ZBTB7C: variants seen among roughly 807,000 people sequenced by gnomAD.
ZBTB7C encodes zinc finger and BTB domain-containing protein 7C.
Under a neutral mutation model 25.7 loss-of-function variants are expected in ZBTB7C, and 8 were observed. The ratio of observed to expected loss-of-function variants is 0.31; its 90% CI spans 0.18 to 0.56. The LOEUF (loss-of-function observed/expected upper bound fraction) is 0.56. Among genes scored for constraint, ZBTB7C ranks in the 20% least tolerant of loss-of-function variants. The pLI, the probability that ZBTB7C is intolerant of heterozygous loss-of-function variation, is 0.91. For missense variants in ZBTB7C, 824 were observed against 855.2 expected (o/e 0.96, Z 0.46); for synonymous variants, 394 against 369.0 (o/e 1.07, Z -0.78).
At chr18:48,395,267 G>GTA (rs1439845837) in intron 1 of ZBTB7C, among the ~76,000 whole-genome samples, 5 of 3,664 alleles carry the variant, frequency 1.4e-3, no homozygotes, top group African/African-American at 5.9e-3. Context: ...GAGAGAGAAT[G>GTA]TGTGTGTGTG....
chr18:48,088,993 A>G (rs1275294849), intron 3 of ZBTB7C, among the ~76,000 whole-genome samples: 1 of 152,176 alleles, frequency 6.6e-6, no homozygotes, highest in Non-Finnish European at 1.5e-5. Flanking sequence ...AGAGTGCTGA[A>G]TTGAAACCAC....
chr18:48,280,071 G>A (rs1005744347), intron 2 of ZBTB7C, among the ~76,000 whole-genome samples: 3 of 152,172 alleles, frequency 2.0e-5, no homozygotes, highest in African/African-American at 7.2e-5. Context: ...GACACATTTG[G>A]TTCTTGCCCC....
intron 2 of ZBTB7C, among the ~76,000 whole-genome samples, chr18:48,225,556 T>C (rs1233274552): frequency 6.6e-6 from 1 of 152,156 alleles, no homozygotes; most frequent in East Asian, 1.9e-4. Context: ...TTTAATGTGA[T>C]TTTGCTGTAT....
At chr18:48,176,285 T>C (rs574016764) in intron 3 of ZBTB7C, among the ~76,000 whole-genome samples, 22 of 152,206 alleles carry the variant, frequency 1.4e-4, no homozygotes, top group African/African-American at 4.3e-4. Context: ...TACAAATAAG[T>C]GGGGGCATTG....
At chr18:48,190,433 C>T (rs940053450) in intron 2 of ZBTB7C, among the ~76,000 whole-genome samples, 2 of 152,094 alleles carry the variant, frequency 1.3e-5, no homozygotes, top group African/African-American at 4.8e-5. Context: ...CTGCCAACTC[C>T]GTGCAGGAGG....
intron 3 of ZBTB7C, among the ~76,000 whole-genome samples, chr18:48,103,664 C>A (rs2038929036): frequency 6.6e-6 from 1 of 152,130 alleles, no homozygotes; most frequent in African/African-American, 2.4e-5. Flanking sequence ...TTTGTGAGAG[C>A]CCCAAAGTAG....
intron 3 of ZBTB7C, among the ~76,000 whole-genome samples, chr18:48,073,964 C>T (rs986148562): frequency 4.3e-4 from 65 of 152,320 alleles, no homozygotes; most frequent in Admixed American, 1.7e-3. Flanking sequence ...CCAGCCAGGC[C>T]TGCAGTGGGT....
At chr18:48,227,876 G>A (rs2043145719) in intron 2 of ZBTB7C, among the ~76,000 whole-genome samples, 1 of 152,152 alleles carries the variant, frequency 6.6e-6, no homozygotes, top group Non-Finnish European at 1.5e-5. Flanking sequence ...AGAGTGAGAG[G>A]GCAGGAGTTT....
At chr18:48,392,151 G>A (rs1418748472) in intron 1 of ZBTB7C, among the ~76,000 whole-genome samples, 1 of 152,316 alleles carries the variant, frequency 6.6e-6, no homozygotes, top group East Asian at 1.9e-4. Flanking sequence ...TGAATTCTCT[G>A]TGCTGGTCCC....
At chr18:48,177,225 C>A (rs567754368) in intron 3 of ZBTB7C, among the ~76,000 whole-genome samples, 1 of 152,190 alleles carries the variant, frequency 6.6e-6, no homozygotes, top group Non-Finnish European at 1.5e-5. Flanking sequence ...AAAGTGGTCC[C>A]CTCGCCCTCC....
At chr18:48,309,574 C>T (rs963285947) in intron 2 of ZBTB7C, among the ~76,000 whole-genome samples, 2 of 152,062 alleles carry the variant, frequency 1.3e-5, no homozygotes, top group African/African-American at 2.4e-5. Flanking sequence ...CAGACCTATA[C>T]GATATGTTTT....
At chr18:48,120,000 T>C (rs1003373866) in intron 3 of ZBTB7C, among the ~76,000 whole-genome samples, 3 of 152,158 alleles carry the variant, frequency 2.0e-5, no homozygotes, top group Non-Finnish European at 4.4e-5. Flanking sequence ...AACCGTCATG[T>C]GCACACAACC....
In ZBTB7C at chr18:48,028,923, C is replaced by G. The variant is rs1179105702; in HGVS notation, c.*337G>C. On this transcript the variant is annotated 3_prime_UTR_variant, in exon 5 of 5. Transcript: ENST00000590800. ...GCTGGCTGGGCACCAGGCCAACCAC[C>G]CCCTGACCCCTCATGACTCACCCAG... The G allele has an allele frequency of 1.6e-5, 5 of 304,228 alleles. No homozygotes were observed. The allele number at this position is 304,228 out of a possible 1,614,324, so 18.8% of individuals were successfully genotyped here. A position where few individuals can be genotyped will look rare whatever the true frequency, so the allele number is the denominator to read the frequency against.
intron 2 of ZBTB7C, among the ~76,000 whole-genome samples, chr18:48,291,564 C>T: frequency 6.6e-6 from 1 of 152,118 alleles, no homozygotes; most frequent in East Asian, 1.9e-4. Context: ...GACAGGCAGC[C>T]CAGGACTCGG....
At chr18:48,349,262 G>A (rs761333496) in intron 1 of ZBTB7C, among the ~76,000 whole-genome samples, 1 of 152,168 alleles carries the variant, frequency 6.6e-6, no homozygotes, top group Non-Finnish European at 1.5e-5. Context: ...ATATGAAATG[G>A]GCATGGATGA....
chr18:48,328,947 C>A (rs1474640304), intron 2 of ZBTB7C, among the ~76,000 whole-genome samples: 1 of 152,168 alleles, frequency 6.6e-6, no homozygotes, highest in Non-Finnish European at 1.5e-5. Context: ...AACCATTAAC[C>A]GTAAATCAAA....
chr18:48,076,711 G>T (rs1462645949), intron 3 of ZBTB7C, among the ~76,000 whole-genome samples: 1 of 152,158 alleles, frequency 6.6e-6, no homozygotes, highest in African/African-American at 2.4e-5. Context: ...GATGGGCTTT[G>T]TCCTCTTGAC....
chr18:48,323,207 T>C (rs2046139011), intron 2 of ZBTB7C, among the ~76,000 whole-genome samples: 1 of 152,020 alleles, frequency 6.6e-6, no homozygotes, highest in South Asian at 2.1e-4. Flanking sequence ...AAAGAAAATA[T>C]CAATTTAAAA....
chr18:48,080,147 C>T (rs2037927281), intron 3 of ZBTB7C, among the ~76,000 whole-genome samples: 1 of 152,212 alleles, frequency 6.6e-6, no homozygotes, highest in Non-Finnish European at 1.5e-5. Context: ...GGGATCAGCC[C>T]TGCATGGAGT....
Sources: gnomAD v4.1 joint callset for allele counts (sites outside exome capture counted in the v4.1 genomes callset) on GRCh38, gnomAD v4.1.1 for gene constraint, MANE v1.5 for transcripts, NCBI Gene and HGNC (gene_info 2026-07-23, HGNC 2026-07-21) for gene names.